The following GUCY2C variants were observed in gnomAD, a reference collection of about 807,000 sequenced individuals.
GUCY2C encodes guanylyl cyclase C.
A neutral mutation model predicts 131.1 loss-of-function variants in GUCY2C; 118 were observed. The observed-to-expected ratio is 0.90, with a 90% CI of 0.78 to 1.05. The LOEUF (loss-of-function observed/expected upper bound fraction) is 1.05, where lower values mean the gene tolerates loss of function less well. Ranked by LOEUF, GUCY2C falls within the 50% of genes least tolerant of loss-of-function variation. The pLI is 0.00. For missense variants in GUCY2C, 1,161 were observed against 1,304.4 expected (o/e 0.89, Z 1.69); for synonymous variants, 452 against 457.8 (o/e 0.99, Z 0.16).
chr12:14,660,950 C>G (rs1329343810), intron 11 of GUCY2C, 31 bp downstream of exon 11: 2 of 1,449,632 alleles, frequency 1.4e-6, no homozygotes, highest in South Asian at 2.3e-5. Context: ...TCTCTGGATA[C>G]CGAACACAGG....
intron 22 of GUCY2C, 46 bp downstream of exon 22, chr12:14,621,959 T>G: frequency 5.2e-6 from 7 of 1,355,268 alleles, no homozygotes; most frequent in Non-Finnish European, 7.2e-6. Flanking sequence ...CTGATGACCT[T>G]GAGTTGTACA....
chr12:14,675,207 C>CAAAAAAAAAAAAAAAAAAA (rs35870014), intron 7 of GUCY2C, among the ~76,000 whole-genome samples: 3 of 34,784 alleles, frequency 8.6e-5, no homozygotes, highest in African/African-American at 1.2e-4. Flanking sequence ...AACTCCATCT[C>CAAAAAAAAAAAAAAAAAAA]AAAAAAAAAA....
chr12:14,632,819 C>G (rs1947176768), intron 19 of GUCY2C, among the ~76,000 whole-genome samples: 2 of 151,990 alleles, frequency 1.3e-5, no homozygotes, highest in Admixed American at 1.3e-4. Flanking sequence ...TCTCCTAGCC[C>G]AGTCCACCAC....
intron 17 of GUCY2C, among the ~76,000 whole-genome samples, chr12:14,642,248 C>A (rs1370817590): frequency 1.3e-5 from 2 of 152,164 alleles, no homozygotes; most frequent in Admixed American, 1.3e-4. Flanking sequence ...TCACTCACTT[C>A]ACATGAGTGC....
intron 18 of GUCY2C, 113 bp from the exon 19 acceptor site, chr12:14,640,063 G>A (rs1025627362): frequency 1.2e-5 from 9 of 727,596 alleles, no homozygotes; most frequent in Non-Finnish European, 1.9e-5. Context: ...TTAGCTCAGT[G>A]AGAGTGCTGC....
chr12:14,650,037 G>A (rs1043648172), intron 15 of GUCY2C, among the ~76,000 whole-genome samples: 5 of 151,754 alleles, frequency 3.3e-5, no homozygotes, highest in Non-Finnish European at 5.9e-5. Flanking sequence ...TCCCAATTTC[G>A]TGTATTTGCA....
chr12:14,618,655 T>C (rs1437748904), intron 24 of GUCY2C, among the ~76,000 whole-genome samples: 1 of 151,956 alleles, frequency 6.6e-6, no homozygotes, highest in Non-Finnish European at 1.5e-5. Flanking sequence ...TTAAAAATTA[T>C]CTGGATGTGC....
At chr12:14,644,973 C>T (rs776288321) in intron 16 of GUCY2C, among the ~76,000 whole-genome samples, 8 of 151,906 alleles carry the variant, frequency 5.3e-5, no homozygotes, top group Non-Finnish European at 1.0e-4. Context: ...GCATGCCTCA[C>T]ACCCAGACTA....
intron 19 of GUCY2C, among the ~76,000 whole-genome samples, chr12:14,637,542 A>G (rs1021454733): frequency 1.3e-5 from 2 of 152,242 alleles, no homozygotes; most frequent in Admixed American, 6.5e-5. Context: ...AAAATGTTCT[A>G]TAAAGTTGCA....
chr12:14,684,836 AT>A (rs932088773), intron 3 of GUCY2C, among the ~76,000 whole-genome samples: 2 of 151,478 alleles, frequency 1.3e-5, no homozygotes, highest in African/African-American at 4.9e-5. Context: ...CACCTGGCTA[AT>A]TTTTTTATTT....
At chr12:14,674,807 CT>C in intron 7 of GUCY2C, 47 bp from the exon 8 acceptor site, 1 of 1,460,050 alleles carries the variant, frequency 6.8e-7, no homozygotes, top group Non-Finnish European at 9.4e-7. Flanking sequence ...AAAAAAGAAT[CT>C]TGTCTTGAGC....
At chr12:14,616,393 C>G (rs1172708917) in intron 25 of GUCY2C, among the ~76,000 whole-genome samples, 1 of 152,124 alleles carries the variant, frequency 6.6e-6, no homozygotes, top group African/African-American at 2.4e-5. Context: ...GATACAAAAC[C>G]TGGATATGGC....
intron 3 of GUCY2C, among the ~76,000 whole-genome samples, chr12:14,684,496 A>G (rs1948418233): frequency 6.6e-6 from 1 of 151,136 alleles, no homozygotes; most frequent in Admixed American, 6.6e-5. Flanking sequence ...TGTGCACTCT[A>G]TAGCTTCTCT....
rs531230353 is a variant in GUCY2C, at chr12:14,664,903, G to A, written c.1283-3841C>T. On this transcript the variant is annotated intron_variant, in intron 10 of 26. Transcript: ENST00000261170. Reference sequence around the variant, plus strand: ...ATTCATTCCAAGGCACTGTGTTGGGGCAAGGAAATATGAATAAGAATAAGC... The same window carrying A: ...ATTCATTCCAAGGCACTGTGTTGGGACAAGGAAATATGAATAAGAATAAGC... Among the ~76,000 whole-genome samples the A allele has an allele frequency of 8.7e-4, 132 of 152,148 alleles. 1 individual carries two copies. The highest frequency in any genetic ancestry group is 7.3e-3 in the South Asian group (35 of 4,824).
intron 1 of GUCY2C, among the ~76,000 whole-genome samples, chr12:14,695,129 T>C (rs1445844363): frequency 6.6e-6 from 1 of 152,022 alleles, no homozygotes; most frequent in African/African-American, 2.4e-5. Flanking sequence ...TGCAATAATG[T>C]GAAGTGAACC....
At chr12:14,642,049 A>T (rs1947416242) in intron 17 of GUCY2C, among the ~76,000 whole-genome samples, 1 of 152,194 alleles carries the variant, frequency 6.6e-6, no homozygotes, top group African/African-American at 2.4e-5. Flanking sequence ...AAAGAAGATA[A>T]AGACAGTACA....
chr12:14,665,055 CAT>C (rs1947947515), intron 10 of GUCY2C, among the ~76,000 whole-genome samples: 1 of 151,910 alleles, frequency 6.6e-6, no homozygotes, highest in East Asian at 1.9e-4. Context: ...CCACTAAAAA[CAT>C]AAAAATTAGC....
chr12:14,675,267 TG>T (rs997197626), intron 7 of GUCY2C, among the ~76,000 whole-genome samples: 1 of 149,440 alleles, frequency 6.7e-6, no homozygotes, highest in African/African-American at 2.5e-5. Flanking sequence ...AACTCTTCCT[TG>T]GGTCAGTGTT....
Position 14,625,807 on chromosome 12 carries a change from G to A in GUCY2C, c.2358C>T (p.Tyr786=). Residue 786 remains tyrosine (Y), a synonymous_variant, in exon 21 of 27, where the codon TAC becomes TAT. Coordinates refer to ENST00000261170, the MANE Select transcript of GUCY2C (RefSeq NM_004963.4). ...TGTCAGCCCTGTCCCTCTCTGCCTT[G>A]TACAGCTGTGTCCTTTCCTCTACCA... ...EHLVEERTQL[Y]KAERDRADRL... is the part of the protein sequence containing the mutation. The A allele has an allele frequency of 6.2e-7, 1 of 1,613,928 alleles. No homozygotes were observed. Among genetic ancestry groups the A allele is most frequent in the Non-Finnish European group, 8.5e-7 (1 of 1,179,834 alleles).
Sources: allele counts gnomAD v4.1 joint callset (sites outside exome capture counted in the v4.1 genomes callset), GRCh38; gene constraint gnomAD v4.1.1; transcripts MANE v1.5; gene names NCBI Gene and HGNC (gene_info 2026-07-23, HGNC 2026-07-21).